Variants in SOX6 observed in about 807,000 individuals in gnomAD.
SOX6 encodes SRY-box transcription factor 6.
SOX6 carries 11 observed loss-of-function variants against 97.8 expected under a neutral mutation model. That is an observed-to-expected ratio of 0.11 (90% CI 0.07 to 0.19). SOX6 has a LOEUF of 0.19. SOX6 is among the 10% of genes least tolerant of loss of function. The pLI, the probability that SOX6 is intolerant of heterozygous loss-of-function variation, is 1.00. For missense variants in SOX6, 810 were observed against 1,039.5 expected (o/e 0.78, Z 3.04); for synonymous variants, 360 against 371.4 (o/e 0.97, Z 0.35).
At chr11:16,650,684 C>T (rs1051224168) in intron 3 of SOX6, among the ~76,000 whole-genome samples, 2 of 151,728 alleles carry the variant, frequency 1.3e-5, no homozygotes, top group Admixed American at 1.3e-4. Flanking sequence ...TGAAAGAGCA[C>T]AAGTAGATAA....
At chr11:16,694,356 T>G (rs1310021346) in intron 3 of SOX6, among the ~76,000 whole-genome samples, 1 of 152,020 alleles carries the variant, frequency 6.6e-6, no homozygotes, top group African/African-American at 2.4e-5. Context: ...AGAGAGACTG[T>G]GCCACTACAG....
intron 3 of SOX6, among the ~76,000 whole-genome samples, chr11:16,701,004 T>A (rs1382536723): frequency 6.6e-6 from 1 of 152,200 alleles, no homozygotes; most frequent in Admixed American, 6.5e-5. Context: ...GACAATCAAA[T>A]AACCAGACTG....
Position 16,462,032 on chromosome 11 carries a change from T to C in SOX6, c.-5+14283A>G, listed in dbSNP as rs1397746905. ...AAAGTCAGTAATTAGTATATACTTG[T>C]GGAGCTGAATTAGTTTCCAACAGGT... On this transcript the variant is annotated intron_variant, in intron 1 of 15. Transcript: ENST00000396356. Among the ~76,000 whole-genome samples the C allele has an allele frequency of 3.3e-5, 5 of 152,358 alleles. No individual in the cohort carries two copies. In the South Asian group the frequency reaches 8.3e-4, roughly 25 times the overall value.
At chr11:16,502,771 A>G (rs1860727748) in intron 4 of SOX6, among the ~76,000 whole-genome samples, 1 of 152,214 alleles carries the variant, frequency 6.6e-6, no homozygotes, top group Admixed American at 6.5e-5. Context: ...GAAGGTGACA[A>G]GAAAACAAAC....
At chr11:16,514,502 T>A (rs1860932198) in intron 4 of SOX6, among the ~76,000 whole-genome samples, 1 of 152,078 alleles carries the variant, frequency 6.6e-6, no homozygotes, top group South Asian at 2.1e-4. Context: ...TTTCCCAGAC[T>A]TATAAAATAG....
At chr11:16,648,317 C>G (rs916833274) in intron 3 of SOX6, among the ~76,000 whole-genome samples, 1 of 152,048 alleles carries the variant, frequency 6.6e-6, no homozygotes, top group African/African-American at 2.4e-5. Context: ...AGAATCACCC[C>G]CCAACCCTCA....
chr11:16,455,324 C>G (rs1238742020), intron 1 of SOX6, among the ~76,000 whole-genome samples: 1 of 151,696 alleles, frequency 6.6e-6, no homozygotes, highest in African/African-American at 2.4e-5. Context: ...CCTTGTAGTT[C>G]GACTTGAATA....
At chr11:16,132,539 T>C (rs1176808429) in intron 6 of SOX6, among the ~76,000 whole-genome samples, 2 of 151,634 alleles carry the variant, frequency 1.3e-5, no homozygotes, top group Admixed American at 1.3e-4. Flanking sequence ...GACATTGGCA[T>C]GATAAAGGTT....
intron 4 of SOX6, among the ~76,000 whole-genome samples, chr11:16,215,668 A>C (rs1285344164): frequency 6.6e-6 from 1 of 152,198 alleles, no homozygotes; most frequent in African/African-American, 2.4e-5. Flanking sequence ...AAGCCATGCT[A>C]TACTAAAGGA....
intron 13 of SOX6, among the ~76,000 whole-genome samples, chr11:16,011,245 C>G (rs1854716375): frequency 1.3e-5 from 2 of 152,084 alleles, no homozygotes; most frequent in Admixed American, 1.3e-4. Flanking sequence ...ATCAAGCCCT[C>G]TCTTCCTTAC....
At chr11:16,081,904 A>G (rs1467842072) in intron 9 of SOX6, among the ~76,000 whole-genome samples, 1 of 152,172 alleles carries the variant, frequency 6.6e-6, no homozygotes, top group Non-Finnish European at 1.5e-5. Flanking sequence ...TTTCCACATT[A>G]TCGGCATACA....
At chr11:16,021,112 CTTGG>C (rs1184955621) in intron 12 of SOX6, among the ~76,000 whole-genome samples, 1 of 152,114 alleles carries the variant, frequency 6.6e-6, no homozygotes, top group African/African-American at 2.4e-5. Context: ...TTGAGTTTAA[CTTGG>C]AATTTCTGCA....
chr11:16,109,806 A>G (rs1391335338), intron 7 of SOX6, among the ~76,000 whole-genome samples: 1 of 152,204 alleles, frequency 6.6e-6, no homozygotes, highest in African/African-American at 2.4e-5. Context: ...GAGTCACACG[A>G]AAGTAAACAC....
At chr11:16,457,098 A>C (rs914788579) in intron 1 of SOX6, among the ~76,000 whole-genome samples, 6 of 152,244 alleles carry the variant, frequency 3.9e-5, no homozygotes, top group African/African-American at 1.4e-4. Flanking sequence ...TCTGTTTTTC[A>C]ATCTTTCATT....
At chr11:16,264,104 A>G (rs1233646769) in intron 3 of SOX6, among the ~76,000 whole-genome samples, 1 of 151,874 alleles carries the variant, frequency 6.6e-6, no homozygotes, top group Non-Finnish European at 1.5e-5. Flanking sequence ...GAGAAATAGT[A>G]GTATGGTTCT....
At chr11:15,999,146 A>G (rs533366496) in intron 13 of SOX6, among the ~76,000 whole-genome samples, 1 of 152,268 alleles carries the variant, frequency 6.6e-6, no homozygotes, top group Non-Finnish European at 1.5e-5. Flanking sequence ...GCAGATGAAA[A>G]GGTATTCCCT....
At chr11:16,098,675 C>A (rs1848862927) in intron 7 of SOX6, among the ~76,000 whole-genome samples, 1 of 151,942 alleles carries the variant, frequency 6.6e-6, no homozygotes, top group South Asian at 2.1e-4. Context: ...TATTTAAAGT[C>A]AGCGTTATGT....
intron 3 of SOX6, among the ~76,000 whole-genome samples, chr11:16,619,137 C>T (rs939280080): frequency 6.6e-6 from 1 of 151,670 alleles, no homozygotes; most frequent in African/African-American, 2.4e-5. Context: ...AATCGTGTGA[C>T]TTTACCAGAC....
intron 6 of SOX6, among the ~76,000 whole-genome samples, chr11:16,151,039 C>T (rs985231667): frequency 6.6e-6 from 1 of 152,076 alleles, no homozygotes; most frequent in African/African-American, 2.4e-5. Flanking sequence ...TTATTTAAAC[C>T]AAAGGCAGCC....
Sources: gnomAD v4.1 joint callset for allele counts (sites outside exome capture counted in the v4.1 genomes callset) on GRCh38, gnomAD v4.1.1 for gene constraint, MANE v1.5 for transcripts, NCBI Gene and HGNC (gene_info 2026-07-23, HGNC 2026-07-21) for gene names.